The following UNC5C variants were observed in gnomAD, a reference collection of about 807,000 sequenced individuals.
The protein encoded by UNC5C is netrin receptor UNC5C.
UNC5C carries 47 observed loss-of-function variants against 99.8 expected under a neutral mutation model. The ratio of observed to expected loss-of-function variants is 0.47; its 90% CI spans 0.37 to 0.60. The LOEUF (loss-of-function observed/expected upper bound fraction) is 0.60. Ranked by LOEUF, UNC5C falls within the 20% of genes least tolerant of loss-of-function variation. The pLI is 0.00. For synonymous variants in UNC5C, 487 were observed against 452.2 expected (o/e 1.08, Z -0.98); for missense variants, 1,062 against 1,165.9 (o/e 0.91, Z 1.30).
intron 3 of UNC5C, among the ~76,000 whole-genome samples, chr4:95,299,174 A>G (rs1741780799): frequency 6.6e-6 from 1 of 152,156 alleles, no homozygotes; most frequent in Middle Eastern, 3.2e-3. Flanking sequence ...GGTGGGCCCC[A>G]ACCCAATCTG....
intron 14 of UNC5C, among the ~76,000 whole-genome samples, chr4:95,178,372 G>A (rs527346832): frequency 1.6e-4 from 24 of 152,288 alleles, no homozygotes; most frequent in Non-Finnish European, 2.5e-4. Context: ...AGGTCTCCTC[G>A]GTGCCTCCCA....
chr4:95,467,173 A>T (rs779666002), intron 1 of UNC5C, among the ~76,000 whole-genome samples: 4 of 152,168 alleles, frequency 2.6e-5, no homozygotes, highest in Non-Finnish European at 4.4e-5. Flanking sequence ...AGAGATTCTG[A>T]GCTAGAGCCA....
chr4:95,432,953 C>A (rs1210989073), intron 1 of UNC5C, among the ~76,000 whole-genome samples: 2 of 152,138 alleles, frequency 1.3e-5, no homozygotes, highest in Admixed American at 1.3e-4. Flanking sequence ...CACTGAGACT[C>A]TTGGGTACCC....
intron 1 of UNC5C, among the ~76,000 whole-genome samples, chr4:95,474,794 A>G (rs1027591227): frequency 6.6e-6 from 1 of 152,134 alleles, no homozygotes; most frequent in Non-Finnish European, 1.5e-5. Flanking sequence ...CATCCAGCAC[A>G]TAGATCAAGA....
At chr4:95,207,878 CAA>C (rs1737938940) in intron 10 of UNC5C, among the ~76,000 whole-genome samples, 1 of 152,206 alleles carries the variant, frequency 6.6e-6, no homozygotes, top group Admixed American at 6.5e-5. Context: ...AGAATGAGCA[CAA>C]CCTGACTTCC....
intron 1 of UNC5C, among the ~76,000 whole-genome samples, chr4:95,511,301 TGTTAATATCGG>T (rs1401448381): frequency 4.8e-4 from 11 of 22,988 alleles, no homozygotes; most frequent in Admixed American, 1.8e-3. Context: ...AGATTGCTTT[TGTTAATATCGG>T]GTTAATATCA....
chr4:95,320,035 T>A (rs1742622979), intron 2 of UNC5C, among the ~76,000 whole-genome samples: 1 of 152,196 alleles, frequency 6.6e-6, no homozygotes, highest in Non-Finnish European at 1.5e-5. Flanking sequence ...AAGCGGACCA[T>A]CTCTTTTAAC....
At chr4:95,304,137 GT>G (rs1371992998) in intron 2 of UNC5C, among the ~76,000 whole-genome samples, 2 of 152,166 alleles carry the variant, frequency 1.3e-5, no homozygotes, top group Non-Finnish European at 2.9e-5. Flanking sequence ...TAGCTAAATG[GT>G]AATGAAGCCC....
At chr4:95,334,764 A>G (rs1366194264) in intron 2 of UNC5C, among the ~76,000 whole-genome samples, 1 of 151,944 alleles carries the variant, frequency 6.6e-6, no homozygotes, top group African/African-American at 2.4e-5. Flanking sequence ...CAGGAGTTTT[A>G]ACCAAGCCAG....
intron 1 of UNC5C, among the ~76,000 whole-genome samples, chr4:95,399,866 A>G (rs1029423305): frequency 1.3e-5 from 2 of 152,000 alleles, no homozygotes; most frequent in African/African-American, 4.8e-5. Context: ...TGGGAGTAGG[A>G]TTTTTGTTTG....
Position 95,474,441 on chromosome 4 carries a change from C to A in UNC5C, c.124+74293G>T, listed in dbSNP as rs554765380. Among the ~76,000 whole-genome samples, 7 of 152,162 alleles carry A rather than the reference C, an allele frequency of 4.6e-5. No individual in the cohort carries two copies. In the East Asian group the frequency reaches 1.4e-3, roughly 30 times the overall value. The stretch of plus-strand genomic sequence containing the variant: ...AAGTAGCTAGGATTACAGGCGCCTG[C>A]CAGCACCCCTGTCTAATTTTGTATT... On this transcript the variant is annotated intron_variant, in intron 1 of 15. Transcript: ENST00000453304.
Position 95,248,999 on chromosome 4 carries a change from CT to C in UNC5C, c.775+1487del, listed in dbSNP as rs111561358. On this transcript the variant is annotated intron_variant, in intron 5 of 15. Transcript: ENST00000453304. ...TAGTAAGTGCCCTATACAGGTTTAT[CT>C]TTTTTTTTATCTTTGATATCTTATT... is the stretch of plus-strand genomic sequence containing the variant. Among the ~76,000 whole-genome samples, 33 of 151,558 alleles carry C rather than the reference CT, an allele frequency of 2.2e-4. No homozygotes were observed. The South Asian group carries it at 2.3e-3, about 11-fold the overall frequency.
At chr4:95,540,311 G>C (rs1390838416) in intron 1 of UNC5C, among the ~76,000 whole-genome samples, 1 of 152,164 alleles carries the variant, frequency 6.6e-6, no homozygotes, top group African/African-American at 2.4e-5. Context: ...ATGAAATACT[G>C]ATCTAGGGTC....
chr4:95,250,190 A>G (rs1739644117), intron 5 of UNC5C, among the ~76,000 whole-genome samples: 1 of 152,098 alleles, frequency 6.6e-6, no homozygotes, highest in Non-Finnish European at 1.5e-5. Flanking sequence ...GCCCCTGTGA[A>G]AAGCAGCAAG....
intron 1 of UNC5C, among the ~76,000 whole-genome samples, chr4:95,434,478 C>T (rs578181652): frequency 3.3e-5 from 5 of 152,098 alleles, no homozygotes; most frequent in African/African-American, 4.8e-5. Flanking sequence ...AAGGAAAAGA[C>T]GGACTTGCCA....
chr4:95,543,086 G>A (rs1381428994), intron 1 of UNC5C, among the ~76,000 whole-genome samples: 1 of 152,016 alleles, frequency 6.6e-6, no homozygotes. Flanking sequence ...AGAGATACTG[G>A]AATAATACCA....
intron 1 of UNC5C, among the ~76,000 whole-genome samples, chr4:95,348,328 T>C (rs1215834356): frequency 6.6e-6 from 1 of 151,918 alleles, no homozygotes; most frequent in East Asian, 2.0e-4. Flanking sequence ...TGTAAATTAG[T>C]ACAACCACTA....
intron 1 of UNC5C, among the ~76,000 whole-genome samples, chr4:95,398,457 TCAA>T (rs1460002256): frequency 1.3e-5 from 2 of 152,122 alleles, no homozygotes; most frequent in East Asian, 1.9e-4. Context: ...ATTCATTCAT[TCAA>T]CAATTGTGTA....
At chr4:95,283,800 C>T (rs879634565) in intron 3 of UNC5C, among the ~76,000 whole-genome samples, 1 of 152,208 alleles carries the variant, frequency 6.6e-6, no homozygotes, top group Non-Finnish European at 1.5e-5. Flanking sequence ...AAGACTGCTA[C>T]TAAAATTAAG....
Sources: allele counts gnomAD v4.1 joint callset (sites outside exome capture counted in the v4.1 genomes callset), GRCh38; gene constraint gnomAD v4.1.1; transcripts MANE v1.5; gene names NCBI Gene and HGNC (gene_info 2026-07-23, HGNC 2026-07-21).